DNAH11: variants seen among roughly 807,000 people sequenced by gnomAD.
DNAH11 encodes the protein axonemal beta dynein heavy chain 11.
In DNAH11, 442 loss-of-function variants were observed where a neutral mutation model predicts 526.0. The ratio of observed to expected loss-of-function variants is 0.84; its 90% CI spans 0.78 to 0.91. The LOEUF is 0.91. DNAH11 is among the 40% of genes least tolerant of loss of function. The pLI is 0.00. For synonymous variants in DNAH11, 2,461 were observed against 1,935.9 expected, an observed-to-expected ratio of 1.27 and a Z score of -7.12; for missense variants, 6,989 against 5,448.7, an observed-to-expected ratio of 1.28 and a Z score of -8.90.
At chr7:21,771,355 T>C (rs1787426551) in intron 55 of DNAH11, among the ~76,000 whole-genome samples, 1 of 152,170 alleles carries the variant, frequency 6.6e-6, no homozygotes, top group African/African-American at 2.4e-5. Context: ...CTCTGCTGTT[T>C]GTCATTTTCA....
chr7:21,896,197 C>A (rs929702960), intron 79 of DNAH11, among the ~76,000 whole-genome samples: 9 of 152,076 alleles, frequency 5.9e-5, no homozygotes, highest in Non-Finnish European at 8.8e-5. Context: ...GTACTGATTT[C>A]TTTGCTCATC....
chr7:21,631,859 C>T (rs1316794403), intron 25 of DNAH11, among the ~76,000 whole-genome samples: 1 of 152,226 alleles, frequency 6.6e-6, no homozygotes, highest in African/African-American at 2.4e-5. Context: ...CTTCTCATGG[C>T]TTCACTAGTC....
rs536942937 is a variant in DNAH11 at position 21,725,904 on chromosome 7, G to T, written c.7360G>T (p.Val2454Leu). 4.9e-5 allele frequency: 78 copies of T among 1,594,268 alleles called. No individual in the cohort carries two copies. The South Asian group carries it at 8.6e-4, about 18-fold the overall frequency. ...PSQGTIFDYY[V>L]DHKTKKLLPW... ...GCAGGGAACAATCTTTGATTATTAT[G>T]TGGACCACAAAACTAAGAAATTATT... The change falls in exon 45 of 82, where the codon GTG becomes TTG. Residue 2454 changes from valine to leucine, a missense_variant. Coordinates refer to ENST00000409508, the MANE Select transcript of DNAH11 (RefSeq NM_001277115.2).
intron 28 of DNAH11, among the ~76,000 whole-genome samples, chr7:21,644,802 T>C (rs1359305063): frequency 6.6e-6 from 1 of 152,172 alleles, no homozygotes; most frequent in Non-Finnish European, 1.5e-5. Flanking sequence ...GATACCTTAA[T>C]ATAAAGGCAG....
intron 44 of DNAH11, 115 bp from the exon 45 acceptor site, chr7:21,725,696 G>T (rs771427504): frequency 9.9e-7 from 1 of 1,014,774 alleles, no homozygotes; most frequent in Non-Finnish European, 1.4e-6. Context: ...TGCTTGATGG[G>T]TATATGGCAA....
In DNAH11 at chr7:21,879,597, G is replaced by A. The variant is rs911790391; in HGVS notation, c.12196-1105G>A. Among the ~76,000 whole-genome samples, 5 of 152,262 alleles carry A rather than the reference G, an allele frequency of 3.3e-5. No individual in the cohort carries two copies. The South Asian group carries it at 8.3e-4, about 25-fold the overall frequency. On this transcript the variant is annotated intron_variant, in intron 74 of 81. Transcript: ENST00000409508. Reference sequence around the variant, plus strand: ...GTGTCGTGGTGATTTTATTAGTTAAGGTACAGGCTAAGCTGCTGTAAGAAA... The same window carrying A: ...GTGTCGTGGTGATTTTATTAGTTAAAGTACAGGCTAAGCTGCTGTAAGAAA...
chr7:21,725,827 C>G lies in DNAH11; in HGVS notation c.7283C>G (p.Ala2428Gly), dbSNP rs750508600. ...LLQDQISDYQADFSRWWQKEM... is the reference protein window; with the variant it reads ...LLQDQISDYQGDFSRWWQKEM... ...TCTCCTTAGATTTCTGATTATCAAGCTGACTTCAGTCGGTGGTGGCAGAAA... is the reference window on the plus strand; with the variant it reads ...TCTCCTTAGATTTCTGATTATCAAGGTGACTTCAGTCGGTGGTGGCAGAAA... Residue 2428 changes from alanine to glycine, a missense_variant, in exon 45 of 82, where the codon GCT becomes GGT. Coordinates refer to ENST00000409508, the MANE Select transcript of DNAH11 (RefSeq NM_001277115.2). 16 of 1,611,502 alleles carry G rather than the reference C, an allele frequency of 9.9e-6. No individual in the cohort carries two copies. In the South Asian group the frequency reaches 1.4e-4, roughly 15 times the overall value.
chr7:21,737,789 G>A (rs1374148802), intron 46 of DNAH11, among the ~76,000 whole-genome samples: 2 of 152,188 alleles, frequency 1.3e-5, no homozygotes, highest in Admixed American at 6.5e-5. Context: ...GAGGTGAATT[G>A]CGAGTGAGGG....
At chr7:21,880,592 TC>T (rs1783880493) in intron 74 of DNAH11, 109 bp from the exon 75 acceptor site, 3 of 1,119,532 alleles carry the variant, frequency 2.7e-6, no homozygotes, top group Admixed American at 2.1e-5. Flanking sequence ...GAAGACTGCC[TC>T]TGTAGTATCT....
chr7:21,664,334 T>G (rs1445796403), intron 30 of DNAH11, among the ~76,000 whole-genome samples: 1 of 152,068 alleles, frequency 6.6e-6, no homozygotes, highest in African/African-American at 2.4e-5. Flanking sequence ...AGGTTATCTT[T>G]ATGTCTGGTT....
intron 65 of DNAH11, among the ~76,000 whole-genome samples, chr7:21,820,968 T>A (rs1444481805): frequency 6.6e-6 from 1 of 152,150 alleles, no homozygotes; most frequent in Non-Finnish European, 1.5e-5. Flanking sequence ...AGTAAATAAT[T>A]GCAGTAATCC....
chr7:21,818,453 T>G, intron 65 of DNAH11, 114 bp downstream of exon 65: 3 of 1,195,764 alleles, frequency 2.5e-6, no homozygotes, highest in Non-Finnish European at 3.5e-6. Flanking sequence ...TTTCTGAGTT[T>G]CCATTTCATG....
chr7:21,609,675 T>C (rs1049341224), intron 20 of DNAH11, among the ~76,000 whole-genome samples: 5 of 152,252 alleles, frequency 3.3e-5, no homozygotes, highest in Non-Finnish European at 7.3e-5. Flanking sequence ...TGAATACATA[T>C]TCACAAATGT....
At chr7:21,572,252 A>G (rs551587664) in intron 8 of DNAH11, among the ~76,000 whole-genome samples, 26 of 152,308 alleles carry the variant, frequency 1.7e-4, no homozygotes, top group African/African-American at 5.1e-4. Context: ...AACTTTCCAC[A>G]TGAATTCATT....
intron 61 of DNAH11, among the ~76,000 whole-genome samples, chr7:21,790,040 A>T (rs896094400): frequency 4.6e-5 from 7 of 151,464 alleles, no homozygotes; most frequent in Non-Finnish European, 8.8e-5. Context: ...CCTGTCATTC[A>T]TTAGCTATTT....
At chr7:21,821,420 A>G (rs1008456997) in intron 65 of DNAH11, among the ~76,000 whole-genome samples, 1 of 152,186 alleles carries the variant, frequency 6.6e-6, no homozygotes, top group African/African-American at 2.4e-5. Flanking sequence ...GTACAGCCAG[A>G]AAAACAGAGG....
intron 14 of DNAH11, among the ~76,000 whole-genome samples, chr7:21,594,556 A>T (rs1024755703): frequency 3.3e-5 from 5 of 152,150 alleles, no homozygotes; most frequent in Admixed American, 6.5e-5. Context: ...GGTGGGGTCG[A>T]GGATGCAGTT....
chr7:21,820,478 G>A (rs1650707367), intron 65 of DNAH11, among the ~76,000 whole-genome samples: 1 of 152,188 alleles, frequency 6.6e-6, no homozygotes, highest in South Asian at 2.1e-4. Flanking sequence ...AGGTAGACAA[G>A]TGGGAAAAGA....
At chr7:21,899,136 G>C (rs1356382581) in intron 79 of DNAH11, among the ~76,000 whole-genome samples, 200 bp from the exon 80 acceptor site, 3 of 152,180 alleles carry the variant, frequency 2.0e-5, no homozygotes, top group Non-Finnish European at 4.4e-5. Flanking sequence ...AAACGCTACA[G>C]TCATCAAGTC....
Sources: gnomAD v4.1 joint callset for allele counts (sites outside exome capture counted in the v4.1 genomes callset) on GRCh38, gnomAD v4.1.1 for gene constraint, MANE v1.5 for transcripts, NCBI Gene and HGNC (gene_info 2026-07-23, HGNC 2026-07-21) for gene names.